The following COMT variants were observed in gnomAD, a reference collection of about 807,000 sequenced individuals.
COMT encodes the protein catechol O-methyltransferase.
Under a neutral mutation model 18.9 loss-of-function variants are expected in COMT, and 13 were observed. The ratio of observed to expected loss-of-function variants is 0.69; its 90% confidence interval spans 0.45 to 1.09. COMT has a LOEUF of 1.09. Among genes scored for constraint, COMT ranks in the 50% least tolerant of loss-of-function variants. COMT has a pLI of 0.00. For synonymous variants in COMT, 150 were observed against 160.9 expected (o/e 0.93, Z 0.51); for missense variants, 329 against 361.8 (o/e 0.91, Z 0.73).
intron 1 of COMT, among the ~76,000 whole-genome samples, chr22:19,955,382 A>G (rs112501772): frequency 3.3e-5 from 5 of 152,290 alleles, no homozygotes; most frequent in African/African-American, 9.6e-5. Flanking sequence ...GCCTGTCTCT[A>G]CGCACCTGTA....
At chr22:19,964,112 G>A (rs1942275501) in intron 4 of COMT, 56 bp from the exon 5 acceptor site, 6 of 1,613,670 alleles carry the variant, frequency 3.7e-6, no homozygotes, top group Non-Finnish European at 5.1e-6. Flanking sequence ...TTGTATAGGT[G>A]TGTAGGGATG....
At chr22:19,945,159 C>A (rs1192984832) in intron 1 of COMT, among the ~76,000 whole-genome samples, 1 of 152,182 alleles carries the variant, frequency 6.6e-6, no homozygotes, top group African/African-American at 2.4e-5. Flanking sequence ...AACTTCCAAC[C>A]AGACTTCACC....
At chr22:19,962,341 C>A in intron 2 of COMT, 186 bp from the exon 3 acceptor site, 1 of 1,020,666 alleles carries the variant, frequency 9.8e-7, no homozygotes, top group Non-Finnish European at 1.4e-6. Context: ...CCGAGGGCAC[C>A]AGAGGGCACG....
At chr22:19,955,840 A>G (rs9332354) in intron 1 of COMT, among the ~76,000 whole-genome samples, 113 of 152,320 alleles carry the variant, frequency 7.4e-4, no homozygotes, top group African/African-American at 2.6e-3. Flanking sequence ...CTGCAGCCGC[A>G]TGTTGGCCCT....
In COMT at chr22:19,959,818, G is replaced by A. The variant is rs11912353; in HGVS notation, c.-91-1381G>A. On this transcript the variant is annotated intron_variant, in intron 1 of 5. Coordinates refer to ENST00000361682, the MANE Select transcript of COMT (RefSeq NM_000754.4). ...TCCCCATCCCCCATGGCTCTTGGCCGTTGGGGCCCAGTTGGCCGCAGAGCC... is the reference window on the plus strand; with the variant it reads ...TCCCCATCCCCCATGGCTCTTGGCCATTGGGGCCCAGTTGGCCGCAGAGCC... Among the ~76,000 whole-genome samples, 374 of 23,876 alleles carry A rather than the reference G, an allele frequency of 0.016. 1 individual carries two copies. In the Middle Eastern group the frequency reaches 0.22, roughly 14 times the overall value. The allele number at this position is 23,876 out of a possible 152,430, so 15.7% of individuals were successfully genotyped here.
At chr22:19,956,954 C>CTT (rs778325319) in intron 1 of COMT, among the ~76,000 whole-genome samples, 7 of 141,302 alleles carry the variant, frequency 5.0e-5, no homozygotes, top group Non-Finnish European at 6.2e-5. Context: ...ACATTCCTGT[C>CTT]TTTTTTTTTT....
chr22:19,957,485 C>T (rs1173556508), intron 1 of COMT, among the ~76,000 whole-genome samples: 1 of 152,180 alleles, frequency 6.6e-6, no homozygotes, highest in Non-Finnish European at 1.5e-5. Context: ...GAATACTGAC[C>T]AGGTGACAGA....
At chr22:19,968,413 T>C (rs1942541765) in intron 5 of COMT, 123 bp from the exon 6 acceptor site, 2 of 957,834 alleles carry the variant, frequency 2.1e-6, no homozygotes, top group South Asian at 2.8e-5. Context: ...AGTGGAAACC[T>C]GGCCCCAGGG....
At chr22:19,950,761 A>G (rs1941917327) in intron 1 of COMT, among the ~76,000 whole-genome samples, 1 of 152,170 alleles carries the variant, frequency 6.6e-6, no homozygotes, top group African/African-American at 2.4e-5. Flanking sequence ...GAGAGGAGCT[A>G]GTTTGGGGAG....
chr22:19,944,873 T>C (rs994439413), intron 1 of COMT, among the ~76,000 whole-genome samples: 6 of 152,212 alleles, frequency 3.9e-5, no homozygotes, highest in Admixed American at 3.9e-4. Context: ...TGAACTAGAC[T>C]AGGATCTGAT....
In COMT at chr22:19,963,744, T is replaced by C. The variant is rs1942261902; in HGVS notation, c.468T>C (p.Ala156=). 3 of 1,612,150 alleles carry C rather than the reference T, an allele frequency of 1.9e-6. No homozygotes were observed. The highest frequency in any genetic ancestry group is 1.7e-5 in the Admixed American group (1 of 60,012). ...AAITQRMVDF[A]GVKDKVTLVV... ...TCACCCAGCGGATGGTGGATTTCGC[T>C]GGCGTGAAGGACAAGGTGTGCATGC... The change falls in exon 4 of 6, where the codon GCT becomes GCC. Residue 156 remains alanine, a synonymous_variant. Transcript: ENST00000361682.
At chr22:19,962,895 T>G in intron 3 of COMT, 80 bp downstream of exon 3, 1 of 1,511,720 alleles carries the variant, frequency 6.6e-7, no homozygotes. Context: ...GGAGAAGCTG[T>G]TATCACCCCA....
chr22:19,943,962 AG>A (rs1469803503), intron 1 of COMT, among the ~76,000 whole-genome samples: 4 of 152,124 alleles, frequency 2.6e-5, no homozygotes, highest in Non-Finnish European at 5.9e-5. Context: ...CTGCCCCTGG[AG>A]AATCTGTTGT....
rs778615118 is a variant in COMT, at chr22:19,968,516, AC to A, written c.616-14del. The A allele has an allele frequency of 1.3e-6, 2 of 1,598,444 alleles. No homozygotes were observed. On this transcript the variant is annotated intron_variant, in intron 5 of 5. Transcript: ENST00000361682. ...GGCACCTCTGACCCTCACCTCCCCCACCCCCCGGTCTGTTTGCAGGAATGTG... is the reference window on the plus strand; with the variant it reads ...GGCACCTCTGACCCTCACCTCCCCCACCCCCGGTCTGTTTGCAGGAATGTG...
intron 1 of COMT, among the ~76,000 whole-genome samples, chr22:19,943,783 C>T (rs1043948997): frequency 6.6e-6 from 1 of 152,206 alleles, no homozygotes; most frequent in Non-Finnish European, 1.5e-5. Context: ...CTAACAAGGC[C>T]AGCAGGGGCA....
rs9332317 is a variant in COMT, at chr22:19,942,875, T to C, written c.-92+978T>C. On this transcript the variant is annotated intron_variant, in intron 1 of 5. Transcript: ENST00000361682. ...AAACTGGGAAGGGAGGGTTGGCCCC[T>C]GTGAAACCAACTGATCTGGGTTTGC... is the stretch of plus-strand genomic sequence containing the variant. Among the ~76,000 whole-genome samples the C allele has an allele frequency of 6.4e-3, 981 of 152,290 alleles. 7 individuals carry two copies. Among genetic ancestry groups the C allele is most frequent in the African/African-American group, 0.022 (920 of 41,576 alleles).
chr22:19,963,886 C>A, intron 4 of COMT, 127 bp downstream of exon 4: 1 of 1,285,980 alleles, frequency 7.8e-7, no homozygotes, highest in Non-Finnish European at 1.1e-6. Context: ...ATCACCAGGC[C>A]CCTCAGTGCT....
At chr22:19,964,501 G>A in intron 5 of COMT, 1 of 792,514 alleles carries the variant, frequency 1.3e-6, no homozygotes, top group Non-Finnish European at 2.1e-6. Context: ...CTGGGCCAGG[G>A]GCCTGGCTGG....
intron 1 of COMT, among the ~76,000 whole-genome samples, chr22:19,956,849 T>C (rs969504249): frequency 6.6e-6 from 1 of 152,222 alleles, no homozygotes; most frequent in South Asian, 2.1e-4. Context: ...GTATTGGGAT[T>C]ACAGGTGTGG....
Sources: allele counts gnomAD v4.1 joint callset (sites outside exome capture counted in the v4.1 genomes callset), GRCh38; gene constraint gnomAD v4.1.1; transcripts MANE v1.5; gene names NCBI Gene and HGNC (gene_info 2026-07-23, HGNC 2026-07-21).